Variants in LRRC58 observed in about 807,000 individuals in gnomAD.
The protein encoded by LRRC58 is leucine rich repeat containing 58.
LRRC58 carries 18 observed loss-of-function variants against 30.6 expected under a neutral mutation model. The ratio of observed to expected loss-of-function variants is 0.59; its 90% confidence interval spans 0.41 to 0.87. The LOEUF (loss-of-function observed/expected upper bound fraction) is 0.87. LRRC58 is among the 40% of genes least tolerant of loss of function. The pLI is 0.00. For synonymous variants in LRRC58, 221 were observed against 206.0 expected, an observed-to-expected ratio of 1.07 and a Z score of -0.62; for missense variants, 420 against 468.4, an observed-to-expected ratio of 0.90 and a Z score of 0.95.
In LRRC58 at chr3:120,335,902, T is replaced by A. The variant is rs1935829427; in HGVS notation, c.552A>T (p.Glu184Asp). ...AATTCAGAGAAGGCAGATTTCCTAA[T>A]TCTGGTGGGATTTCTTTAATGAAAT... ...GGNFIKEIPPELGNLPSLNYL... is the reference protein window; with the variant it reads ...GGNFIKEIPPDLGNLPSLNYL... Residue 184 changes from glutamate to aspartate, a missense_variant, in exon 2 of 4, where the codon GAA becomes GAT. This residue lies in a region of LRRC58 where 266 missense variants were observed against 251.7 expected (regional missense o/e 1.06). Transcript: ENST00000295628. 6.2e-7 allele frequency: 1 copy of A among 1,600,710 alleles called. No homozygotes were observed. Among genetic ancestry groups the A allele is most frequent in the African/African-American group, 1.3e-5 (1 of 74,632 alleles).
chr3:120,348,440 T>C (rs752310250), intron 1 of LRRC58, among the ~76,000 whole-genome samples: 3 of 152,242 alleles, frequency 2.0e-5, no homozygotes, highest in Non-Finnish European at 4.4e-5. Flanking sequence ...TGACAACCTC[T>C]GATTTACATC....
intron 3 of LRRC58, 30 bp downstream of exon 3, chr3:120,334,832 G>A (rs769672555): frequency 6.4e-7 from 1 of 1,564,338 alleles, no homozygotes; most frequent in South Asian, 1.2e-5. Flanking sequence ...AGCTAAATAA[G>A]TGGGAAACAT....
intron 3 of LRRC58, among the ~76,000 whole-genome samples, chr3:120,333,125 C>G (rs570312983): frequency 1.2e-4 from 18 of 152,008 alleles, no homozygotes; most frequent in African/African-American, 4.1e-4. Context: ...AAAAGAGATC[C>G]TTCTGCCTCA....
At position 120,327,768 on chromosome 3, in the gene LRRC58, GAC is replaced by G. The variant is rs1935702411; in HGVS notation, c.*3430_*3431del. The G allele has an allele frequency of 6.6e-6, 1 of 151,548 alleles. No homozygotes were observed. The highest frequency in any genetic ancestry group is 2.4e-5 in the African/African-American group (1 of 41,078). 9.4% of individuals were successfully genotyped at this position (151,548 alleles called of 1,614,324 possible). A position where few individuals can be genotyped will look rare whatever the true frequency, so the allele number is the denominator to read the frequency against. On this transcript the variant is annotated 3_prime_UTR_variant, in exon 4 of 4. Coordinates refer to ENST00000295628, the MANE Select transcript of LRRC58 (RefSeq NM_001099678.2). The stretch of plus-strand genomic sequence containing the variant: ...GTTTGTTTTTTGTTTGTTTGTTTGA[GAC>G]ACAGTCTCACTCTCACTCAGGCTGG...
rs1935702463 is a variant in LRRC58 at position 120,327,770 on chromosome 3, C to A, written c.*3430G>T. 6.6e-6 allele frequency: 1 copy of A among 152,028 alleles called. No individual in the cohort carries two copies. Among genetic ancestry groups the A allele is most frequent in the South Asian group, 2.1e-4 (1 of 4,830 alleles). The allele number at this position is 152,028 out of a possible 1,614,324, so 9.4% of individuals were successfully genotyped here. ...TTGTTTTTTGTTTGTTTGTTTGAGA[C>A]ACAGTCTCACTCTCACTCAGGCTGG... On this transcript the variant is annotated 3_prime_UTR_variant, in exon 4 of 4. Coordinates refer to ENST00000295628, the MANE Select transcript of LRRC58 (RefSeq NM_001099678.2).
intron 1 of LRRC58, among the ~76,000 whole-genome samples, chr3:120,338,546 G>A (rs1408537332): frequency 6.6e-6 from 1 of 152,218 alleles, no homozygotes; most frequent in Non-Finnish European, 1.5e-5. Context: ...AGTGATGGAA[G>A]TTACACTCTA....
chr3:120,336,041 T>A, intron 1 of LRRC58, 88 bp from the exon 2 acceptor site: 1 of 908,100 alleles, frequency 1.1e-6, no homozygotes, highest in Non-Finnish European at 1.6e-6. Context: ...ACGTTTCATC[T>A]ATTCATTCAG....
rs760114843 is a variant in LRRC58, at chr3:120,334,930, T to C, written c.839A>G (p.Tyr280Cys). The C allele has an allele frequency of 1.6e-5, 26 of 1,613,592 alleles. No homozygotes were observed. Among genetic ancestry groups the C allele is most frequent in the South Asian group, 8.8e-5 (8 of 91,026 alleles). The part of the protein sequence containing the change: ...IKIRNISYTP[Y>C]DLPGNLLRYL... ...TCTAAGAAGATTTCCAGGAAGATCA[T>C]AGGGAGTGTAGGAAATATTTCGAAT... is the stretch of plus-strand genomic sequence containing the variant. The change falls in exon 3 of 4, where the codon TAT becomes TGT. Residue 280 changes from tyrosine (Y) to cysteine (C), a missense_variant. Physicochemically the swap from Tyr to Cys is radical, Grantham distance 194. Transcript: ENST00000295628.
rs1006205171 is a variant in LRRC58, at chr3:120,349,272, G to T, written c.-29C>A. On this transcript the variant is annotated 5_prime_UTR_variant, in exon 1 of 4. Coordinates refer to ENST00000295628, the MANE Select transcript of LRRC58 (RefSeq NM_001099678.2). ...GGCCACCGCACGGCGCGTGGCGCCG[G>T]ATTCCCCAGAGCGCCGCGCGCGGTC... 3 of 1,356,954 alleles carry T rather than the reference G, an allele frequency of 2.2e-6. No individual in the cohort carries two copies. Among genetic ancestry groups the T allele is most frequent in the Non-Finnish European group, 2.8e-6 (3 of 1,061,440 alleles). 84.1% of individuals were successfully genotyped at this position (1,356,954 alleles called of 1,614,324 possible). A position where few individuals can be genotyped will look rare whatever the true frequency, so the allele number is the denominator to read the frequency against.
At chr3:120,348,625 A>C (rs1326781433) in intron 1 of LRRC58, 119 bp downstream of exon 1, 2 of 1,187,668 alleles carry the variant, frequency 1.7e-6, no homozygotes, top group Admixed American at 3.2e-5. Context: ...ACTACCGCAC[A>C]GTTAAAGAGA....
chr3:120,339,779 T>A (rs553542484), intron 1 of LRRC58, among the ~76,000 whole-genome samples: 18 of 152,298 alleles, frequency 1.2e-4, no homozygotes, highest in African/African-American at 4.1e-4. Flanking sequence ...TCTTTAACTG[T>A]GGGAAATTTC....
chr3:120,345,329 A>G (rs1470288159), intron 1 of LRRC58, among the ~76,000 whole-genome samples: 2 of 152,202 alleles, frequency 1.3e-5, no homozygotes, highest in African/African-American at 2.4e-5. Flanking sequence ...CAGAGGACAC[A>G]TATCTTCTTA....
At position 120,329,114 on chromosome 3, in the gene LRRC58, T is replaced by G. The variant is rs1935720392; in HGVS notation, c.*2086A>C. On this transcript the variant is annotated 3_prime_UTR_variant, in exon 4 of 4. Coordinates refer to ENST00000295628, the MANE Select transcript of LRRC58 (RefSeq NM_001099678.2). ...AAGACTACTCAAGCAGTTACTTAAGTCAAGCTGGTAATTGATTAGGAAGTA... is the reference window on the plus strand; with the variant it reads ...AAGACTACTCAAGCAGTTACTTAAGGCAAGCTGGTAATTGATTAGGAAGTA... 1 of 152,032 alleles carries G rather than the reference T, an allele frequency of 6.6e-6. No individual in the cohort carries two copies. 9.4% of individuals were successfully genotyped at this position (152,032 alleles called of 1,614,324 possible).
chr3:120,343,282 G>A (rs1935926586), intron 1 of LRRC58, among the ~76,000 whole-genome samples: 1 of 152,072 alleles, frequency 6.6e-6, no homozygotes, highest in Admixed American at 6.5e-5. Context: ...CAAATTTCTA[G>A]GGACTTGACA....
chr3:120,339,850 G>C (rs1935882387), intron 1 of LRRC58, among the ~76,000 whole-genome samples: 1 of 151,908 alleles, frequency 6.6e-6, no homozygotes, highest in Non-Finnish European at 1.5e-5. Flanking sequence ...GCTCTTAACA[G>C]TTTTTTAATT....
In LRRC58 at chr3:120,326,919, A is replaced by C. The variant is rs1302946909; in HGVS notation, c.*4281T>G. On this transcript the variant is annotated 3_prime_UTR_variant, in exon 4 of 4. Coordinates refer to ENST00000295628, the MANE Select transcript of LRRC58 (RefSeq NM_001099678.2). ...GCTGTGTGTTTTTTCTTTTTTACATAGTGAAAAGGTAAACATTAACCAAGG... is the reference window on the plus strand; with the variant it reads ...GCTGTGTGTTTTTTCTTTTTTACATCGTGAAAAGGTAAACATTAACCAAGG... 6.6e-6 allele frequency: 1 copy of C among 152,242 alleles called. No homozygotes were observed. The allele number at this position is 152,242 out of a possible 1,614,324, so 9.4% of individuals were successfully genotyped here. A position where few individuals can be genotyped will look rare whatever the true frequency, so the allele number is the denominator to read the frequency against.
At position 120,329,499 on chromosome 3, in the gene LRRC58, G is replaced by A. The variant is rs942324607; in HGVS notation, c.*1701C>T. On this transcript the variant is annotated 3_prime_UTR_variant, in exon 4 of 4. Transcript: ENST00000295628. ...CTTACTACATTATAACAAGGTAAAG[G>A]TGAAGGGATTCATTCTATAGCAGCG... 3.3e-5 allele frequency: 5 copies of A among 152,004 alleles called. No individual in the cohort carries two copies. The highest frequency in any genetic ancestry group is 7.4e-5 in the Non-Finnish European group (5 of 67,938). The allele number at this position is 152,004 out of a possible 1,614,324, so 9.4% of individuals were successfully genotyped here.
intron 1 of LRRC58, among the ~76,000 whole-genome samples, chr3:120,336,684 T>C (rs544485545): frequency 2.6e-4 from 39 of 152,082 alleles, no homozygotes; most frequent in African/African-American, 8.7e-4. Context: ...CAGGTAATTA[T>C]ACTGTTTTCC....
chr3:120,331,242 A>G lies in LRRC58; in HGVS notation c.1074T>C (p.Ala358=). 6.2e-7 allele frequency: 1 copy of G among 1,613,962 alleles called. No homozygotes were observed. The highest frequency in any genetic ancestry group is 2.2e-5 in the East Asian group (1 of 44,868). Residue 358 remains alanine (A), a synonymous_variant, in exon 4 of 4, where the codon GCT becomes GCC. Coordinates refer to ENST00000295628, the MANE Select transcript of LRRC58 (RefSeq NM_001099678.2). ...TCTGCATTCTGCGTGCAGCAACACTAGCTTCATCTTCTGAGTCAGATTCAC... is the reference window on the plus strand; with the variant it reads ...TCTGCATTCTGCGTGCAGCAACACTGGCTTCATCTTCTGAGTCAGATTCAC... ...SQSESDSEDE[A]SVAARRMQKV... is the part of the protein sequence containing the mutation.
Sources: gnomAD v4.1 joint callset for allele counts (sites outside exome capture counted in the v4.1 genomes callset) on GRCh38, gnomAD v4.1.1 for gene constraint, gnomAD v4.1.1 regional missense constraint, MANE v1.5 for transcripts, NCBI Gene and HGNC (gene_info 2026-07-23, HGNC 2026-07-21) for gene names.